MRTFA: variants seen among roughly 807,000 people sequenced by gnomAD.
MRTFA encodes myocardin-related transcription factor A.
MRTFA carries 20 observed loss-of-function variants against 83.5 expected under a neutral mutation model. The observed-to-expected ratio is 0.24, with a 90% confidence interval of 0.17 to 0.35. The LOEUF (loss-of-function observed/expected upper bound fraction) is 0.35, where lower values mean the gene tolerates loss of function less well. Among genes scored for constraint, MRTFA ranks in the 10% least tolerant of loss-of-function variants. The pLI is 1.00. For missense variants in MRTFA, 1,200 were observed against 1,224.7 expected (o/e 0.98, Z 0.30); for synonymous variants, 659 against 541.2 (o/e 1.22, Z -3.02).
chr22:40,515,894 G>C (rs1029775382), intron 3 of MRTFA, among the ~76,000 whole-genome samples: 5 of 152,102 alleles, frequency 3.3e-5, no homozygotes, highest in Admixed American at 3.3e-4. Flanking sequence ...GCAACATCTA[G>C]CACGTGACAA....
rs1302059456 is a variant in MRTFA at position 40,500,848 on chromosome 22, A to C, written c.242-37562T>G. 3.5e-4 allele frequency among the ~76,000 whole-genome samples: 53 copies of C among 150,482 alleles called. No homozygotes were observed. In the South Asian group the frequency reaches 3.8e-3, roughly 11 times the overall value. ...TTCTCAATCTTTTCCCCACCTTTCC[A>C]GCCTTTCTATTCCACAAAGCCGCCA... On this transcript the variant is annotated intron_variant, in intron 3 of 14. Transcript: ENST00000355630.
chr22:40,417,568 G>T lies in MRTFA; in HGVS notation c.2365-75C>A. On this transcript the variant is annotated intron_variant, in intron 12 of 14. Transcript: ENST00000355630. Reference sequence around the variant, plus strand: ...AGACCTGCCTTGTAGGGGGCGGGGGGCGGGGATAGGGCCAGGGCCTCTCAC... The same window carrying T: ...AGACCTGCCTTGTAGGGGGCGGGGGTCGGGGATAGGGCCAGGGCCTCTCAC... 2 of 337,462 alleles carry T rather than the reference G, an allele frequency of 5.9e-6. 1 individual carries two copies. Among genetic ancestry groups the T allele is most frequent in the Non-Finnish European group, 1.2e-5 (2 of 171,476 alleles). 20.9% of individuals were successfully genotyped at this position (337,462 alleles called of 1,614,324 possible). A position where few individuals can be genotyped will look rare whatever the true frequency, so the allele number is the denominator to read the frequency against.
intron 1 of MRTFA, among the ~76,000 whole-genome samples, chr22:40,626,537 C>T (rs965383126): frequency 1.3e-5 from 2 of 152,174 alleles, no homozygotes; most frequent in Non-Finnish European, 2.9e-5. Flanking sequence ...AAGCAATCCT[C>T]CCAAAGTACT....
chr22:40,420,395 G>A lies in MRTFA; in HGVS notation c.1353+10C>T, dbSNP rs2052803925. 1.9e-6 allele frequency: 3 copies of A among 1,611,006 alleles called. No individual in the cohort carries two copies. The highest frequency in any genetic ancestry group is 2.5e-6 in the Non-Finnish European group (3 of 1,178,758). ...CTGGCAGTGGCTCAAGTTTTCCAGT[G>A]GCCATGTACCTTCATGTCGTCCAGG... On this transcript the variant is annotated intron_variant, in intron 11 of 14. Coordinates refer to ENST00000355630, the MANE Select transcript of MRTFA (RefSeq NM_020831.6).
chr22:40,599,741 A>C (rs951156107), intron 1 of MRTFA, among the ~76,000 whole-genome samples: 46 of 152,160 alleles, frequency 3.0e-4, no homozygotes, highest in African/African-American at 1.0e-3. Context: ...GCTACAAAAA[A>C]TACAAAAATT....
rs2056703586 is a variant in MRTFA, at chr22:40,636,546, C to G, written c.-152G>C. 1.3e-5 allele frequency: 2 copies of G among 152,404 alleles called. No homozygotes were observed. Among genetic ancestry groups the G allele is most frequent in the Admixed American group, 1.3e-4 (2 of 15,292 alleles). The allele number at this position is 152,404 out of a possible 1,614,324, so 9.4% of individuals were successfully genotyped here. ...CCGGCTCTAGCCGCCCGCGTCTCCT[C>G]TCGAGGCTCACTGTCCAGCCCGGGC... On this transcript the variant is annotated 5_prime_UTR_variant, in exon 1 of 15. Coordinates refer to ENST00000355630, the MANE Select transcript of MRTFA (RefSeq NM_020831.6).
chr22:40,567,710 T>C (rs2055726320), intron 2 of MRTFA, among the ~76,000 whole-genome samples: 2 of 152,184 alleles, frequency 1.3e-5, no homozygotes, highest in Non-Finnish European at 2.9e-5. Context: ...AAATATTAAC[T>C]TTGGAATGAA....
chr22:40,625,950 A>AAACT (rs133043), intron 1 of MRTFA, among the ~76,000 whole-genome samples: 1 of 152,066 alleles, frequency 6.6e-6, no homozygotes, highest in African/African-American at 2.4e-5. Flanking sequence ...CTTCTCATAA[A>AAACT]GATGATCACA....
chr22:40,519,583 G>A, intron 3 of MRTFA: 2 of 1,342,006 alleles, frequency 1.5e-6, no homozygotes, highest in South Asian at 1.2e-5. Context: ...CAATCACGCT[G>A]ATTTGTTATA....
intron 3 of MRTFA, chr22:40,533,502 T>C: frequency 2.7e-5 from 20 of 729,232 alleles, no homozygotes; most frequent in Non-Finnish European, 3.8e-5. Flanking sequence ...AGTACAAATA[T>C]GACCCATTTT....
At chr22:40,553,370 G>A (rs2055472401) in intron 2 of MRTFA, among the ~76,000 whole-genome samples, 1 of 152,186 alleles carries the variant, frequency 6.6e-6, no homozygotes, top group Non-Finnish European at 1.5e-5. Flanking sequence ...CGAAGGCATA[G>A]GAGGGAAAAA....
chr22:40,629,630 G>A (rs925311854), intron 1 of MRTFA, among the ~76,000 whole-genome samples: 4 of 151,020 alleles, frequency 2.6e-5, no homozygotes, highest in African/African-American at 9.7e-5. Flanking sequence ...CAAAAAATTA[G>A]CTGGGCGTGG....
intron 2 of MRTFA, among the ~76,000 whole-genome samples, chr22:40,555,832 G>T (rs2055514466): frequency 6.6e-6 from 1 of 151,734 alleles, no homozygotes; most frequent in East Asian, 1.9e-4. Flanking sequence ...TAGAGACGGG[G>T]TTTCACCAAT....
At chr22:40,447,368 G>GA (rs1041798210) in intron 4 of MRTFA, among the ~76,000 whole-genome samples, 6 of 149,832 alleles carry the variant, frequency 4.0e-5, no homozygotes, top group African/African-American at 9.8e-5. Context: ...AAAGAAAAAA[G>GA]AAAAAAAAAG....
At chr22:40,433,771 T>C (rs1183587287) in intron 5 of MRTFA, 1 of 152,268 alleles carries the variant, frequency 6.6e-6, no homozygotes, top group Non-Finnish European at 1.5e-5. Context: ...CAAATTCTGC[T>C]ATAACCAATC....
intron 2 of MRTFA, among the ~76,000 whole-genome samples, chr22:40,585,271 T>C (rs1280450878): frequency 6.6e-6 from 1 of 152,234 alleles, no homozygotes; most frequent in Non-Finnish European, 1.5e-5. Flanking sequence ...TAAAACATTA[T>C]ATAAACTTTT....
intron 3 of MRTFA, among the ~76,000 whole-genome samples, chr22:40,481,856 C>G (rs952094166): frequency 2.0e-5 from 3 of 151,976 alleles, no homozygotes; most frequent in Non-Finnish European, 2.9e-5. Context: ...GTCAGGAGAT[C>G]GAGACCATCC....
intron 1 of MRTFA, among the ~76,000 whole-genome samples, chr22:40,623,038 A>G (rs1302457435): frequency 6.6e-6 from 1 of 152,218 alleles, no homozygotes; most frequent in Non-Finnish European, 1.5e-5. Flanking sequence ...TCATTTTACT[A>G]AACTAAGGGA....
chr22:40,575,118 G>A lies in MRTFA; in HGVS notation c.-22+19556C>T, dbSNP rs148003015. On this transcript the variant is annotated intron_variant, in intron 2 of 14. Transcript: ENST00000355630. ...GGTGATGAGAGCTTAACTCCTCCAT[G>A]CCTAAGTTTCCTGTGGTATAAAATG... 1.3e-4 allele frequency among the ~76,000 whole-genome samples: 20 copies of A among 152,282 alleles called. No individual in the cohort carries two copies. The East Asian group carries it at 3.9e-3, about 29-fold the overall frequency.
Sources: gnomAD v4.1 joint callset for allele counts (sites outside exome capture counted in the v4.1 genomes callset) on GRCh38, gnomAD v4.1.1 for gene constraint, MANE v1.5 for transcripts, NCBI Gene and HGNC (gene_info 2026-07-23, HGNC 2026-07-21) for gene names.